The following COLEC12 variants were observed in gnomAD, a reference collection of about 807,000 sequenced individuals.
COLEC12 encodes the protein collectin subfamily member 12.
COLEC12 carries 33 observed loss-of-function variants against 71.1 expected under a neutral mutation model. The observed-to-expected ratio is 0.46, with a 90% CI of 0.35 to 0.62. The LOEUF (loss-of-function observed/expected upper bound fraction) is 0.62. Among genes scored for constraint, COLEC12 ranks in the 20% least tolerant of loss-of-function variants. COLEC12 has a pLI of 0.00. For synonymous variants in COLEC12, 350 were observed against 353.0 expected (o/e 0.99, Z 0.10); for missense variants, 765 against 916.1 (o/e 0.84, Z 2.13).
At chr18:475,414 C>A (rs146545422) in intron 2 of COLEC12, among the ~76,000 whole-genome samples, 2,001 of 152,194 alleles carry the variant, frequency 0.013, 18 homozygotes, top group South Asian at 0.026. Context: ...ATGCCTGGAG[C>A]CCTCCTTGTT....
At chr18:325,733 A>T (rs1321029399) in intron 8 of COLEC12, among the ~76,000 whole-genome samples, 1 of 144,004 alleles carries the variant, frequency 6.9e-6, no homozygotes, top group East Asian at 2.1e-4. Flanking sequence ...GTGTCATCAC[A>T]GCTCACTGCA....
chr18:345,231 C>T (rs191658147), intron 5 of COLEC12, among the ~76,000 whole-genome samples: 1 of 152,200 alleles, frequency 6.6e-6, no homozygotes, highest in Non-Finnish European at 1.5e-5. Flanking sequence ...CAACTTAAAA[C>T]CTGTGAAAAT....
intron 2 of COLEC12, among the ~76,000 whole-genome samples, chr18:437,035 G>A (rs1384368786): frequency 6.6e-6 from 1 of 152,210 alleles, no homozygotes; most frequent in Non-Finnish European, 1.5e-5. Context: ...AATTCTCTGA[G>A]CAGAATAAAA....
chr18:338,160 C>T (rs571367217), intron 5 of COLEC12, among the ~76,000 whole-genome samples: 13 of 152,300 alleles, frequency 8.5e-5, no homozygotes, highest in African/African-American at 2.6e-4. Flanking sequence ...ATTTCCTCTG[C>T]CCATGTCCTT....
At chr18:440,360 AACACACACACACACACATACACAC>A (rs1916492567) in intron 2 of COLEC12, among the ~76,000 whole-genome samples, 3 of 118,742 alleles carry the variant, frequency 2.5e-5, no homozygotes, top group Non-Finnish European at 3.5e-5. Context: ...AAATGTTCTC[AACACACACACACACACATACACAC>A]ACACACACAC....
intron 8 of COLEC12, among the ~76,000 whole-genome samples, chr18:330,873 GTTTTT>G (rs60146586): frequency 7.5e-6 from 1 of 133,766 alleles, no homozygotes; most frequent in Admixed American, 7.9e-5. Flanking sequence ...CACATTTGTA[GTTTTT>G]TTTTTTTTTT....
chr18:475,076 A>AAAAAT (rs58274581), intron 2 of COLEC12, among the ~76,000 whole-genome samples: 1 of 151,296 alleles, frequency 6.6e-6, no homozygotes. Flanking sequence ...CTCCGTCTCA[A>AAAAAT]AAATAAATAA....
intron 2 of COLEC12, among the ~76,000 whole-genome samples, chr18:459,147 C>G (rs1360186726): frequency 2.6e-5 from 4 of 152,196 alleles, no homozygotes; most frequent in Non-Finnish European, 4.4e-5. Context: ...GCCACCAGAC[C>G]TGGCACTCAG....
intron 2 of COLEC12, among the ~76,000 whole-genome samples, chr18:401,782 G>A (rs1271745585): frequency 1.3e-5 from 2 of 152,156 alleles, no homozygotes; most frequent in African/African-American, 4.8e-5. Flanking sequence ...ACAATGTATT[G>A]AGGCTTCATA....
At chr18:487,586 CT>C (rs1466883676) in intron 1 of COLEC12, among the ~76,000 whole-genome samples, 1 of 152,084 alleles carries the variant, frequency 6.6e-6, no homozygotes, top group Non-Finnish European at 1.5e-5. Flanking sequence ...AACAAAAGTT[CT>C]CTTGTCTAGT....
intron 3 of COLEC12, among the ~76,000 whole-genome samples, chr18:351,233 C>T (rs1914513795): frequency 1.3e-5 from 2 of 151,956 alleles, no homozygotes; most frequent in Admixed American, 1.3e-4. Flanking sequence ...GTGTGCACTG[C>T]GACAAACACT....
intron 2 of COLEC12, among the ~76,000 whole-genome samples, chr18:366,657 A>T (rs1914862736): frequency 1.3e-5 from 2 of 152,192 alleles, no homozygotes; most frequent in Non-Finnish European, 2.9e-5. Flanking sequence ...GCGGCTTAAC[A>T]AAGGCATGAC....
chr18:477,436 T>C (rs989921834), intron 2 of COLEC12, among the ~76,000 whole-genome samples: 11 of 151,280 alleles, frequency 7.3e-5, no homozygotes, highest in Non-Finnish European at 1.3e-4. Context: ...AAGCAATATA[T>C]ACCTAAAATT....
intron 2 of COLEC12, among the ~76,000 whole-genome samples, chr18:374,464 C>T (rs1229231822): frequency 6.6e-6 from 1 of 152,124 alleles, no homozygotes; most frequent in African/African-American, 2.4e-5. Flanking sequence ...GAAACTATGA[C>T]CTCGCCCCTG....
rs1039338123 is a variant in COLEC12, at chr18:399,249, G to A, written c.59-41727C>T. Among the ~76,000 whole-genome samples the A allele has an allele frequency of 2.6e-5, 4 of 152,362 alleles. No individual in the cohort carries two copies. The South Asian group carries it at 6.2e-4, about 24-fold the overall frequency. The stretch of plus-strand genomic sequence containing the variant: ...TACGTGGGTCTCAGGCTAAGCGTAA[G>A]ATGCTATTGATGGAATGAACTTCAG... On this transcript the variant is annotated intron_variant, in intron 2 of 9. Coordinates refer to ENST00000400256, the MANE Select transcript of COLEC12 (RefSeq NM_130386.3). The surrounding 1 kb of genome is among the most constrained non-coding windows in gnomAD (Gnocchi z 4.0).
chr18:469,078 G>T (rs1280690504), intron 2 of COLEC12, among the ~76,000 whole-genome samples: 1 of 152,266 alleles, frequency 6.6e-6, no homozygotes, highest in African/African-American at 2.4e-5. Context: ...TATCAAAACA[G>T]ATTCTCATAC....
intron 2 of COLEC12, among the ~76,000 whole-genome samples, chr18:420,556 G>C (rs1038427614): frequency 2.6e-5 from 4 of 152,078 alleles, no homozygotes; most frequent in African/African-American, 9.7e-5. Context: ...AAGCAAAGGG[G>C]GTTCTGGATT....
At chr18:402,679 T>TA (rs1349380965) in intron 2 of COLEC12, among the ~76,000 whole-genome samples, 1 of 151,970 alleles carries the variant, frequency 6.6e-6, no homozygotes, top group Non-Finnish European at 1.5e-5. Flanking sequence ...GTAGCTGAAT[T>TA]AGAGTTATCG....
chr18:370,060 A>T (rs896993805), intron 2 of COLEC12, among the ~76,000 whole-genome samples: 1 of 152,264 alleles, frequency 6.6e-6, no homozygotes, highest in African/African-American at 2.4e-5. Flanking sequence ...ACACTTCATT[A>T]CATTCATGAG....
Sources: allele counts gnomAD v4.1 joint callset (sites outside exome capture counted in the v4.1 genomes callset), GRCh38; gene constraint gnomAD v4.1.1; non-coding constraint Gnocchi (gnomAD v3.1); transcripts MANE v1.5; gene names NCBI Gene and HGNC (gene_info 2026-07-23, HGNC 2026-07-21).